Variants in KDM4B observed in about 807,000 individuals in gnomAD.
KDM4B encodes lysine demethylase 4B, also known as lysine-specific demethylase 4B.
A neutral mutation model predicts 125.2 loss-of-function variants in KDM4B; 32 were observed. The observed-to-expected ratio is 0.26, with a 90% CI of 0.19 to 0.34. KDM4B has a LOEUF of 0.34. Ranked by LOEUF, KDM4B falls within the 10% of genes least tolerant of loss-of-function variation. The pLI is 1.00. For synonymous variants in KDM4B, 721 were observed against 677.9 expected, an observed-to-expected ratio of 1.06 and a Z score of -0.99; for missense variants, 1,190 against 1,577.7, an observed-to-expected ratio of 0.75 and a Z score of 4.16.
chr19:5,111,416 G>C (rs2039143288), intron 10 of KDM4B: 1 of 765,312 alleles, frequency 1.3e-6, no homozygotes, highest in East Asian at 2.4e-5. Context: ...TCCCAGCCAG[G>C]TATCTGGTGT....
At chr19:4,993,930 G>C (rs1234685281) in intron 1 of KDM4B, among the ~76,000 whole-genome samples, 2 of 149,186 alleles carry the variant, frequency 1.3e-5, no homozygotes, top group African/African-American at 4.9e-5. Context: ...TTTTTTTTAA[G>C]TCTATTTTGT....
chr19:5,138,121 GC>G, intron 18 of KDM4B, 51 bp downstream of exon 18: 1 of 1,384,480 alleles, frequency 7.2e-7, no homozygotes. Context: ...AGGGCTGCCG[GC>G]CATGCTCGGC....
chr19:4,970,098 C>T (rs1399361274), intron 1 of KDM4B, among the ~76,000 whole-genome samples: 1 of 152,092 alleles, frequency 6.6e-6, no homozygotes, highest in African/African-American at 2.4e-5. Flanking sequence ...TCTGCTTGAC[C>T]TGGGGTCTGC....
intron 1 of KDM4B, among the ~76,000 whole-genome samples, chr19:4,976,743 C>T (rs974415349): frequency 6.6e-6 from 1 of 152,200 alleles, no homozygotes; most frequent in African/African-American, 2.4e-5. Context: ...AGTGAGTGGA[C>T]AAGTGCCCGT....
rs1016650947 is a variant in KDM4B at position 5,071,966 on chromosome 19, G to A, written c.676+907G>A. ...GGACAGCTTGGGGTGCGTGAGGGGT[G>A]AGGGTCAGTGAGGGCCCGTTGTTCC... is the stretch of plus-strand genomic sequence containing the variant. On this transcript the variant is annotated intron_variant, in intron 7 of 22. Coordinates refer to ENST00000159111, the MANE Select transcript of KDM4B (RefSeq NM_015015.3). Among the ~76,000 whole-genome samples the A allele has an allele frequency of 3.9e-5, 6 of 152,328 alleles. No individual in the cohort carries two copies. The East Asian group carries it at 5.8e-4, about 15-fold the overall frequency.
At chr19:5,134,888 G>A (rs1041810017) in intron 14 of KDM4B, among the ~76,000 whole-genome samples, 7 of 152,224 alleles carry the variant, frequency 4.6e-5, no homozygotes, top group Non-Finnish European at 8.8e-5. Context: ...AGCCGACACC[G>A]TCTCCAGGCA....
At chr19:5,132,077 C>T (rs994721048) in intron 13 of KDM4B, 70 bp downstream of exon 13, 6 of 1,473,632 alleles carry the variant, frequency 4.1e-6, no homozygotes, top group African/African-American at 1.4e-5. Context: ...GGAGGGGGGG[C>T]CTGGCTCCCC....
intron 9 of KDM4B, among the ~76,000 whole-genome samples, chr19:5,083,931 T>A (rs1256963659): frequency 2.0e-5 from 3 of 152,190 alleles, no homozygotes; most frequent in Non-Finnish European, 2.9e-5. Flanking sequence ...CCGGATTCTT[T>A]GACTCTCGCA....
intron 6 of KDM4B, among the ~76,000 whole-genome samples, chr19:5,058,692 G>A (rs1370029127): frequency 2.0e-5 from 3 of 152,332 alleles, no homozygotes; most frequent in Admixed American, 1.3e-4. Flanking sequence ...TCGCTCACCC[G>A]CTGGCTTGGT....
intron 2 of KDM4B, among the ~76,000 whole-genome samples, chr19:5,021,186 C>T (rs2036108542): frequency 2.0e-5 from 3 of 151,530 alleles, no homozygotes; most frequent in Admixed American, 6.6e-5. Flanking sequence ...CTGCAGGCTT[C>T]GGGCGGCCCT....
In KDM4B at chr19:5,057,530, A is replaced by G. The variant is rs557297481; in HGVS notation, c.626+9861A>G. 1.3e-4 allele frequency among the ~76,000 whole-genome samples: 20 copies of G among 152,322 alleles called. No individual in the cohort carries two copies. The East Asian group carries it at 3.9e-3, about 29-fold the overall frequency. On this transcript the variant is annotated intron_variant, in intron 6 of 22. Transcript: ENST00000159111. ...CTGCTCATGTAAGAAATTCATTTTG[A>G]TCGTAAGCCTTGCTATCAGTAACTG...
intron 10 of KDM4B, 142 bp downstream of exon 10, chr19:5,110,960 C>T: frequency 1.5e-6 from 1 of 653,488 alleles, no homozygotes; most frequent in Non-Finnish European, 2.6e-6. Context: ...CCCGCCTCCT[C>T]TTTCGTCCTC....
chr19:4,988,518 A>G (rs1599363832), intron 1 of KDM4B, among the ~76,000 whole-genome samples: 2 of 151,340 alleles, frequency 1.3e-5, no homozygotes, highest in African/African-American at 2.4e-5. Context: ...CTCGTGATCC[A>G]CCCGCCTCGG....
At chr19:5,041,066 A>T in intron 4 of KDM4B, 71 bp from the exon 5 acceptor site, 1 of 988,410 alleles carries the variant, frequency 1.0e-6, no homozygotes, top group Non-Finnish European at 1.6e-6. Flanking sequence ...CCTGGGTTCC[A>T]GGTGGCTGAG....
rs1333400948 is a variant in KDM4B, at chr19:5,037,264, G to A, written c.142-2572G>A. ...GCAGACTGGGGCTTCCTGGAGAGGG[G>A]GGACAGTGTCTGTGTGATTCAGAGC... On this transcript the variant is annotated intron_variant, in intron 3 of 22. Coordinates refer to ENST00000159111, the MANE Select transcript of KDM4B (RefSeq NM_015015.3). 2.0e-5 allele frequency among the ~76,000 whole-genome samples: 3 copies of A among 152,200 alleles called. No homozygotes were observed. The East Asian group carries it at 5.8e-4, about 29-fold the overall frequency.
intron 1 of KDM4B, among the ~76,000 whole-genome samples, chr19:5,009,359 C>T (rs538648134): frequency 2.6e-5 from 4 of 152,292 alleles, no homozygotes; most frequent in East Asian, 1.9e-4. Flanking sequence ...GTCAGCTTTT[C>T]AGTTCTTTCA....
intron 10 of KDM4B, chr19:5,118,989 C>G (rs939053726): frequency 3.2e-6 from 2 of 627,598 alleles, no homozygotes; most frequent in African/African-American, 3.7e-5. Context: ...AGCTGGGGCT[C>G]CCATGCACCT....
chr19:5,139,642 G>A (rs1235664122), intron 18 of KDM4B, among the ~76,000 whole-genome samples: 7 of 152,226 alleles, frequency 4.6e-5, no homozygotes. Flanking sequence ...TCTCGCTATG[G>A]TTTGATTTGT....
intron 10 of KDM4B, chr19:5,113,466 C>A (rs1299576575): frequency 6.5e-6 from 1 of 154,722 alleles, no homozygotes; most frequent in East Asian, 1.9e-4. Flanking sequence ...TGAGCAGTGC[C>A]CTCTCCACGT....
Sources: gnomAD v4.1 joint callset for allele counts (sites outside exome capture counted in the v4.1 genomes callset) on GRCh38, gnomAD v4.1.1 for gene constraint, MANE v1.5 for transcripts, NCBI Gene and HGNC (gene_info 2026-07-23, HGNC 2026-07-21) for gene names.